Variants in GRK3 observed in about 807,000 individuals in gnomAD.
GRK3 encodes adrenergic, beta, receptor kinase 2.
Under a neutral mutation model 95.7 loss-of-function variants are expected in GRK3, and 54 were observed. The ratio of observed to expected loss-of-function variants is 0.56; its 90% CI spans 0.45 to 0.71. GRK3 has a LOEUF of 0.71. GRK3 is among the 30% of genes least tolerant of loss of function. GRK3 has a pLI of 0.00. For synonymous variants in GRK3, 281 were observed against 290.8 expected (o/e 0.97, Z 0.34); for missense variants, 649 against 851.2 (o/e 0.76, Z 2.96).
At chr22:25,590,478 G>C (rs781439476) in intron 1 of GRK3, among the ~76,000 whole-genome samples, 7 of 151,950 alleles carry the variant, frequency 4.6e-5, no homozygotes, top group Non-Finnish European at 1.0e-4. Flanking sequence ...TTGTTGTGTA[G>C]TTTCCCCACA....
rs187456484 is a variant in GRK3, at chr22:25,591,443, A to G, written c.114-12934A>G. 3.9e-5 allele frequency among the ~76,000 whole-genome samples: 6 copies of G among 152,274 alleles called. No homozygotes were observed. The East Asian group carries it at 7.7e-4, about 20-fold the overall frequency. ...GTGTTGGTGACAGAACTCAATCCCC[A>G]GCCTCCCTGAGGTCAGGGGATAAGG... On this transcript the variant is annotated intron_variant, in intron 1 of 20. Coordinates refer to ENST00000324198, the MANE Select transcript of GRK3 (RefSeq NM_005160.4).
At chr22:25,659,065 A>G (rs1226018941) in intron 3 of GRK3, among the ~76,000 whole-genome samples, 1 of 152,142 alleles carries the variant, frequency 6.6e-6, no homozygotes, top group African/African-American at 2.4e-5. Context: ...CTGTGGGACT[A>G]CATAGCTTTA....
intron 2 of GRK3, among the ~76,000 whole-genome samples, chr22:25,643,597 T>A (rs983095654): frequency 1.3e-5 from 2 of 152,258 alleles, no homozygotes; most frequent in African/African-American, 2.4e-5. Flanking sequence ...TCCGTTTAAT[T>A]GTTTTGACTT....
rs567752007 is a variant in GRK3, at chr22:25,689,509, T to C, written c.958-680T>C. Among the ~76,000 whole-genome samples the C allele has an allele frequency of 8.5e-5, 13 of 152,332 alleles. 1 individual carries two copies. The highest frequency in any genetic ancestry group is 6.5e-4 in the Admixed American group (10 of 15,306). ...ATAGTTGATCGCCAGCAGAAAAATA[T>C]TAAGATGACTATAATTCAATGTATA... On this transcript the variant is annotated intron_variant, in intron 11 of 20. Transcript: ENST00000324198.
intron 15 of GRK3, among the ~76,000 whole-genome samples, chr22:25,708,371 G>A (rs2085316766): frequency 6.6e-6 from 1 of 152,190 alleles, no homozygotes; most frequent in Non-Finnish European, 1.5e-5. Context: ...CTGGGCCTGT[G>A]CAGGAGCAGT....
At chr22:25,615,068 C>T (rs1197679061) in intron 2 of GRK3, among the ~76,000 whole-genome samples, 1 of 152,172 alleles carries the variant, frequency 6.6e-6, no homozygotes. Flanking sequence ...GCCTACTGGT[C>T]ATTTTCCTGA....
chr22:25,657,083 G>A (rs2146396958), intron 3 of GRK3, among the ~76,000 whole-genome samples: 1 of 152,290 alleles, frequency 6.6e-6, no homozygotes, highest in South Asian at 2.1e-4. Context: ...TGTGAGATAA[G>A]ATCAGGTTGA....
chr22:25,660,494 C>T (rs2084902477), intron 3 of GRK3, among the ~76,000 whole-genome samples: 1 of 152,190 alleles, frequency 6.6e-6, no homozygotes. Flanking sequence ...CTGGGAATTT[C>T]TCAGCGTGTG....
chr22:25,665,537 T>A (rs1164308731), intron 5 of GRK3, among the ~76,000 whole-genome samples: 1 of 152,168 alleles, frequency 6.6e-6, no homozygotes, highest in Non-Finnish European at 1.5e-5. Context: ...ATATATCTTT[T>A]AAAAAACACT....
rs531434622 is a variant in GRK3 at position 25,612,290 on chromosome 22, C to CT, written c.190+7843dup. The stretch of plus-strand genomic sequence containing the variant: ...GGTGTAAAGCAAGGTCTAAATCTAT[C>CT]TTTTTTGCATGTGGATATCCGATTT... On this transcript the variant is annotated intron_variant, in intron 2 of 20. Transcript: ENST00000324198. 2.7e-3 allele frequency among the ~76,000 whole-genome samples: 410 copies of CT among 152,214 alleles called. 2 individuals are homozygous for CT. The highest frequency in any genetic ancestry group is 4.4e-3 in the Non-Finnish European group (302 of 67,986).
At chr22:25,692,052 C>G (rs139389304) in intron 12 of GRK3, among the ~76,000 whole-genome samples, 9 of 152,186 alleles carry the variant, frequency 5.9e-5, no homozygotes, top group East Asian at 1.9e-4. Flanking sequence ...CAGCCTCCCC[C>G]TCCCGGGCCC....
intron 2 of GRK3, among the ~76,000 whole-genome samples, chr22:25,613,133 G>GT (rs1569164132): frequency 6.6e-6 from 1 of 151,330 alleles, no homozygotes; most frequent in East Asian, 1.9e-4. Flanking sequence ...GGATTCAAAA[G>GT]TTGAGGTTAA....
intron 15 of GRK3, among the ~76,000 whole-genome samples, chr22:25,708,244 C>G (rs929617521): frequency 1.2e-4 from 18 of 151,978 alleles, no homozygotes; most frequent in Non-Finnish European, 8.8e-5. Flanking sequence ...AAAAGAAACA[C>G]CACCCCTAAG....
chr22:25,595,034 G>A (rs2084362908), intron 1 of GRK3, among the ~76,000 whole-genome samples: 1 of 151,912 alleles, frequency 6.6e-6, no homozygotes, highest in Non-Finnish European at 1.5e-5. Context: ...AATAATAACA[G>A]CTATCTATGA....
chr22:25,597,995 A>G lies in GRK3; in HGVS notation c.114-6382A>G, dbSNP rs535339203. On this transcript the variant is annotated intron_variant, in intron 1 of 20. Coordinates refer to ENST00000324198, the MANE Select transcript of GRK3 (RefSeq NM_005160.4). Reference sequence around the variant, plus strand: ...AGGAAGTGTGTTGGGCAGAAGGTGTATGGTACCAGGTGACATTTGGATCTC... The same window carrying G: ...AGGAAGTGTGTTGGGCAGAAGGTGTGTGGTACCAGGTGACATTTGGATCTC... Among the ~76,000 whole-genome samples the G allele has an allele frequency of 6.6e-5, 10 of 152,328 alleles. No homozygotes were observed. In the South Asian group the frequency reaches 1.9e-3, roughly 28 times the overall value.
chr22:25,579,483 T>A (rs2283811), intron 1 of GRK3, among the ~76,000 whole-genome samples: 24,454 of 151,502 alleles, frequency 0.16, 2,512 homozygotes, highest in East Asian at 0.4. Context: ...TTTTATTATT[T>A]TTTTTTTGAG....
intron 7 of GRK3, among the ~76,000 whole-genome samples, chr22:25,672,746 G>A (rs188783946): frequency 4.6e-4 from 70 of 152,020 alleles, no homozygotes; most frequent in African/African-American, 1.6e-3. Flanking sequence ...TGAAAATGAT[G>A]ACATCTTTTA....
chr22:25,600,369 A>G (rs2084401269), intron 1 of GRK3, among the ~76,000 whole-genome samples: 1 of 151,952 alleles, frequency 6.6e-6, no homozygotes, highest in Non-Finnish European at 1.5e-5. Flanking sequence ...GGAACGTCTG[A>G]CCTCAGGTGA....
rs1206796011 is a variant in GRK3 at position 25,664,622 on chromosome 22, G to A, written c.441+918G>A. 6.0e-5 allele frequency among the ~76,000 whole-genome samples: 9 copies of A among 148,980 alleles called. No individual in the cohort carries two copies. The South Asian group carries it at 1.9e-3, about 32-fold the overall frequency. ...TGCAACCTCCGCCTCCCAGGTTCAC[G>A]CCATTCTCCTGCCTCAGCCTCCCAA... is the stretch of plus-strand genomic sequence containing the variant. On this transcript the variant is annotated intron_variant, in intron 5 of 20. Transcript: ENST00000324198.
Sources: allele counts gnomAD v4.1 joint callset (sites outside exome capture counted in the v4.1 genomes callset), GRCh38; gene constraint gnomAD v4.1.1; transcripts MANE v1.5; gene names NCBI Gene and HGNC (gene_info 2026-07-23, HGNC 2026-07-21).